The following ZNRF3 variants were observed in gnomAD, a reference collection of about 807,000 sequenced individuals.
ZNRF3 encodes zinc and ring finger 3, also known as E3 ubiquitin-protein ligase ZNRF3.
ZNRF3 carries 23 observed loss-of-function variants against 72.5 expected under a neutral mutation model. That is an observed-to-expected ratio of 0.32 (90% CI 0.23 to 0.45). ZNRF3 has a LOEUF of 0.45. ZNRF3 is among the 20% of genes least tolerant of loss of function. The pLI is 1.00. For missense variants in ZNRF3, 1,169 were observed against 1,272.1 expected, an observed-to-expected ratio of 0.92 and a Z score of 1.23; for synonymous variants, 610 against 545.3, an observed-to-expected ratio of 1.12 and a Z score of -1.65.
chr22:28,980,580 A>G lies in ZNRF3; in HGVS notation c.301-6496A>G, dbSNP rs151063433. Among the ~76,000 whole-genome samples the G allele has an allele frequency of 2.2e-3, 335 of 152,328 alleles. 1 individual carries two copies. The highest frequency in any genetic ancestry group is 3.6e-3 in the Non-Finnish European group (248 of 68,034). On this transcript the variant is annotated intron_variant, in intron 1 of 8. Coordinates refer to ENST00000544604, the MANE Select transcript of ZNRF3 (RefSeq NM_001206998.2). Reference sequence around the variant, plus strand: ...ACTCTTGATAAAGGAGTGAGTAGGCATTTTCCTTCAGTTGACTTAAGCAAG... The same window carrying G: ...ACTCTTGATAAAGGAGTGAGTAGGCGTTTTCCTTCAGTTGACTTAAGCAAG...
chr22:28,922,201 G>A (rs1286867346), intron 1 of ZNRF3, among the ~76,000 whole-genome samples: 2 of 152,130 alleles, frequency 1.3e-5, no homozygotes, highest in African/African-American at 4.8e-5. Context: ...TGGATTTTGC[G>A]TTTTTCAGTT....
At chr22:29,024,098 C>T (rs1569285614) in intron 2 of ZNRF3, among the ~76,000 whole-genome samples, 1 of 152,074 alleles carries the variant, frequency 6.6e-6, no homozygotes, top group South Asian at 2.1e-4. Flanking sequence ...TCCCTGATTC[C>T]CTTAATGTAA....
chr22:28,988,983 G>A (rs2035906184), intron 2 of ZNRF3, among the ~76,000 whole-genome samples: 1 of 152,182 alleles, frequency 6.6e-6, no homozygotes, highest in African/African-American at 2.4e-5. Context: ...CAACCATGTA[G>A]TGGTTTTACT....
In ZNRF3 at chr22:29,048,571, A is replaced by G; in HGVS notation, c.1015+80A>G. 7.0e-7 allele frequency: 1 copy of G among 1,424,232 alleles called. No homozygotes were observed. The highest frequency in any genetic ancestry group is 9.8e-7 in the Non-Finnish European group (1 of 1,016,642). The allele number at this position is 1,424,232 out of a possible 1,614,324, so 88.2% of individuals were successfully genotyped here. On this transcript the variant is annotated intron_variant, in intron 7 of 8. Coordinates refer to ENST00000544604, the MANE Select transcript of ZNRF3 (RefSeq NM_001206998.2). This position sits in a 1 kb window ranked among gnomAD's most constrained non-coding sequence, Gnocchi z 4.9. ...TGACACACACCGCAGGCTTGGGAAC[A>G]CTCAGAACCACCGTGGCACTGCCCT... is the stretch of plus-strand genomic sequence containing the variant.
At chr22:29,003,627 C>T (rs973882171) in intron 2 of ZNRF3, among the ~76,000 whole-genome samples, 3 of 151,952 alleles carry the variant, frequency 2.0e-5, no homozygotes, top group South Asian at 4.1e-4. Flanking sequence ...ATTGCTTGAG[C>T]TCAAGAGTTG....
chr22:28,981,858 G>A (rs371612305), intron 1 of ZNRF3, among the ~76,000 whole-genome samples: 13 of 152,126 alleles, frequency 8.5e-5, no homozygotes, highest in South Asian at 2.1e-4. Context: ...TTAGCTGAGC[G>A]TGGTGGCGGG....
intron 1 of ZNRF3, among the ~76,000 whole-genome samples, chr22:28,932,163 A>G (rs1052535012): frequency 1.3e-5 from 2 of 152,192 alleles, no homozygotes; most frequent in African/African-American, 4.8e-5. Flanking sequence ...GTTTGTAACC[A>G]AGGTTGAAAG....
intron 1 of ZNRF3, among the ~76,000 whole-genome samples, chr22:28,986,440 G>A (rs2035855740): frequency 6.6e-6 from 1 of 152,138 alleles, no homozygotes; most frequent in Non-Finnish European, 1.5e-5. Context: ...GTTCTGGTTT[G>A]ACTGCACTTT....
In ZNRF3 at chr22:28,987,804, C is replaced by T. The variant is rs181152976; in HGVS notation, c.426+603C>T. ...CCAAGTAAGTTATGGGAAAATGTTT[C>T]GGTTTTAGAGCTTTTTTTGGTTTCA... is the stretch of plus-strand genomic sequence containing the variant. On this transcript the variant is annotated intron_variant, in intron 2 of 8. Transcript: ENST00000544604. 6.6e-5 allele frequency among the ~76,000 whole-genome samples: 10 copies of T among 151,976 alleles called. No individual in the cohort carries two copies. In the East Asian group the frequency reaches 9.6e-4, roughly 15 times the overall value.
intron 2 of ZNRF3, among the ~76,000 whole-genome samples, chr22:29,010,185 A>C (rs1050724004): frequency 6.6e-6 from 1 of 152,092 alleles, no homozygotes; most frequent in African/African-American, 2.4e-5. Flanking sequence ...CTGGGATTAC[A>C]GACATGAGCC....
chr22:28,883,700 C>G lies in ZNRF3; in HGVS notation c.-67C>G, dbSNP rs937477784. ...GGGCTGTGAGGCGTCCGCCCGCGTT[C>G]GGTCCTCAGCCGGCCCGCGACTATG... On this transcript the variant is annotated 5_prime_UTR_variant, in exon 1 of 9. Coordinates refer to ENST00000544604, the MANE Select transcript of ZNRF3 (RefSeq NM_001206998.2). This position sits in a 1 kb window ranked among gnomAD's most constrained non-coding sequence, Gnocchi z 5.5. 10 of 982,996 alleles carry G rather than the reference C, an allele frequency of 1.0e-5. No individual in the cohort carries two copies. The highest frequency in any genetic ancestry group is 1.8e-5 in the African/African-American group (1 of 56,790). 60.9% of individuals were successfully genotyped at this position (982,996 alleles called of 1,614,324 possible).
At chr22:28,959,371 G>T (rs995719384) in intron 1 of ZNRF3, among the ~76,000 whole-genome samples, 11 of 152,140 alleles carry the variant, frequency 7.2e-5, no homozygotes, top group African/African-American at 2.7e-4. Context: ...GTCTAGTTCG[G>T]GTTGGAGATG....
chr22:28,892,157 A>G (rs1359064684), intron 1 of ZNRF3, among the ~76,000 whole-genome samples: 3 of 152,238 alleles, frequency 2.0e-5, no homozygotes, highest in Non-Finnish European at 4.4e-5. Context: ...GTTAAAACTT[A>G]CCACGAGTGC....
chr22:28,974,351 A>G (rs2035632158), intron 1 of ZNRF3, among the ~76,000 whole-genome samples: 2 of 152,166 alleles, frequency 1.3e-5, no homozygotes, highest in South Asian at 4.2e-4. Flanking sequence ...ATTCATGGGA[A>G]AAAGCCCTGG....
intron 2 of ZNRF3, among the ~76,000 whole-genome samples, chr22:29,039,814 C>T (rs1018421547): frequency 3.4e-5 from 5 of 148,696 alleles, no homozygotes; most frequent in Admixed American, 6.7e-5. Flanking sequence ...AAAAAATTAG[C>T]CTGGCATGGT....
chr22:29,011,969 G>A (rs2036354879), intron 2 of ZNRF3, among the ~76,000 whole-genome samples: 2 of 152,210 alleles, frequency 1.3e-5, no homozygotes, highest in Non-Finnish European at 2.9e-5. Context: ...AGCCGACAAT[G>A]TGGGCCCACC....
At chr22:28,996,534 T>C (rs2036048476) in intron 2 of ZNRF3, among the ~76,000 whole-genome samples, 1 of 152,232 alleles carries the variant, frequency 6.6e-6, no homozygotes, top group Non-Finnish European at 1.5e-5. Context: ...GGCCCCACTG[T>C]AAAGATCATC....
At chr22:28,985,842 C>G (rs1017892802) in intron 1 of ZNRF3, among the ~76,000 whole-genome samples, 9 of 152,232 alleles carry the variant, frequency 5.9e-5, no homozygotes, top group African/African-American at 2.2e-4. Context: ...CATTCTCTTA[C>G]AGTTCTGGAG....
rs566575096 is a variant in ZNRF3, at chr22:28,987,935, C to T, written c.426+734C>T. 1.2e-3 allele frequency among the ~76,000 whole-genome samples: 176 copies of T among 152,252 alleles called. 2 individuals are homozygous for T. Among genetic ancestry groups the T allele is most frequent in the Non-Finnish European group, 2.1e-3 (141 of 68,010 alleles). ...CACACAAGAGTAAGCCCTCAATAAA[C>T]GTTTGCTGCCATTGGCTACCATCAC... is the stretch of plus-strand genomic sequence containing the variant. On this transcript the variant is annotated intron_variant, in intron 2 of 8. Coordinates refer to ENST00000544604, the MANE Select transcript of ZNRF3 (RefSeq NM_001206998.2).
Sources: gnomAD v4.1 joint callset for allele counts (sites outside exome capture counted in the v4.1 genomes callset) on GRCh38, gnomAD v4.1.1 for gene constraint, Gnocchi (gnomAD v3.1) non-coding constraint, MANE v1.5 for transcripts, NCBI Gene and HGNC (gene_info 2026-07-23, HGNC 2026-07-21) for gene names.